The following NOL4 variants were observed in gnomAD, a reference collection of about 807,000 sequenced individuals.
NOL4 encodes the protein cancer/testis antigen 125.
A neutral mutation model predicts 75.9 loss-of-function variants in NOL4; 17 were observed. The ratio of observed to expected loss-of-function variants is 0.22; its 90% CI spans 0.15 to 0.34. NOL4 has a LOEUF of 0.34. NOL4 is among the 10% of genes least tolerant of loss of function. The pLI is 1.00. For missense variants in NOL4, 614 were observed against 793.5 expected (o/e 0.77, Z 2.72); for synonymous variants, 292 against 289.9 (o/e 1.01, Z -0.07).
chr18:33,967,748 C>G (rs2070721233), intron 6 of NOL4, among the ~76,000 whole-genome samples: 1 of 152,082 alleles, frequency 6.6e-6, no homozygotes, highest in Non-Finnish European at 1.5e-5. Flanking sequence ...AAATCAAAAC[C>G]ACAATAAGAT....
intron 1 of NOL4, among the ~76,000 whole-genome samples, chr18:34,203,523 T>C (rs1402831733): frequency 3.3e-5 from 5 of 151,582 alleles, no homozygotes; most frequent in Non-Finnish European, 5.9e-5. Flanking sequence ...GTGATAATAT[T>C]ATATTATAGC....
chr18:33,922,241 G>T (rs986338462), intron 9 of NOL4, among the ~76,000 whole-genome samples: 3 of 152,044 alleles, frequency 2.0e-5, no homozygotes, highest in African/African-American at 7.2e-5. Context: ...CACCATTTTT[G>T]ACTAAATTTT....
chr18:33,940,550 G>T (rs973728814), intron 9 of NOL4, among the ~76,000 whole-genome samples: 2 of 151,950 alleles, frequency 1.3e-5, no homozygotes, highest in South Asian at 4.1e-4. Context: ...GCCTGTCGGG[G>T]AGTAGGAGGC....
intron 3 of NOL4, 99 bp downstream of exon 3, chr18:34,104,950 G>A (rs2079200960): frequency 1.4e-6 from 1 of 703,702 alleles, no homozygotes; most frequent in South Asian, 1.8e-5. Flanking sequence ...CTGACTTGTT[G>A]AACTGTTTCA....
At chr18:34,151,108 G>A (rs2081619068) in intron 1 of NOL4, among the ~76,000 whole-genome samples, 1 of 151,804 alleles carries the variant, frequency 6.6e-6, no homozygotes, top group Non-Finnish European at 1.5e-5. Flanking sequence ...CGTTAATTGT[G>A]CATAGGATTG....
At chr18:33,900,422 A>G (rs1476493053) in intron 9 of NOL4, among the ~76,000 whole-genome samples, 3 of 152,148 alleles carry the variant, frequency 2.0e-5, no homozygotes, top group African/African-American at 4.8e-5. Flanking sequence ...TATCCAAACC[A>G]TATCACTTTC....
chr18:34,132,811 C>A (rs2080716836), intron 1 of NOL4, among the ~76,000 whole-genome samples: 1 of 150,150 alleles, frequency 6.7e-6, no homozygotes, highest in East Asian at 1.9e-4. Context: ...GTCTTGAAAG[C>A]ACCAGGAGAT....
chr18:34,137,877 A>G (rs1193000331), intron 1 of NOL4, among the ~76,000 whole-genome samples: 1 of 152,124 alleles, frequency 6.6e-6, no homozygotes, highest in Non-Finnish European at 1.5e-5. Flanking sequence ...GAATATTAAT[A>G]GTAGCATATG....
At position 33,861,147 on chromosome 18, in the gene NOL4, A is replaced by G. The variant is rs2063104195; in HGVS notation, c.1724-8112T>C. 3.3e-5 allele frequency among the ~76,000 whole-genome samples: 5 copies of G among 152,336 alleles called. No homozygotes were observed. The South Asian group carries it at 1.0e-3, about 32-fold the overall frequency. On this transcript the variant is annotated intron_variant, in intron 10 of 10. Coordinates refer to ENST00000261592, the MANE Select transcript of NOL4 (RefSeq NM_003787.5). The stretch of plus-strand genomic sequence containing the variant: ...TTGGTATCAGGATGATGGTGGCCTC[A>G]TAAAATGAGTTAGGGAGGATTCCTT...
At chr18:34,142,290 A>T (rs2081202876) in intron 1 of NOL4, among the ~76,000 whole-genome samples, 1 of 152,236 alleles carries the variant, frequency 6.6e-6, no homozygotes, top group Non-Finnish European at 1.5e-5. Context: ...TCAAGGATCT[A>T]GAACTAGAAA....
chr18:33,963,888 A>G (rs1377823992), intron 6 of NOL4, among the ~76,000 whole-genome samples: 3 of 152,118 alleles, frequency 2.0e-5, no homozygotes, highest in Non-Finnish European at 4.4e-5. Context: ...TCAGATAGCA[A>G]CACCACAGTG....
At chr18:33,882,409 A>G (rs2064347851) in intron 10 of NOL4, among the ~76,000 whole-genome samples, 2 of 152,148 alleles carry the variant, frequency 1.3e-5, no homozygotes, top group African/African-American at 2.4e-5. Flanking sequence ...ATGAACAGAC[A>G]CTTCTCAAAA....
chr18:34,200,001 A>C (rs1346450542), intron 1 of NOL4, among the ~76,000 whole-genome samples: 2 of 151,818 alleles, frequency 1.3e-5, no homozygotes, highest in Non-Finnish European at 2.9e-5. Context: ...CCTTTTATAC[A>C]ATGACTACTT....
At chr18:34,069,915 G>C (rs1416082245) in intron 5 of NOL4, among the ~76,000 whole-genome samples, 1 of 152,228 alleles carries the variant, frequency 6.6e-6, no homozygotes, top group Admixed American at 6.5e-5. Context: ...ACCAACCAGA[G>C]AAAGTCCTAT....
At chr18:33,987,738 T>G (rs1358040216) in intron 6 of NOL4, among the ~76,000 whole-genome samples, 3 of 152,118 alleles carry the variant, frequency 2.0e-5, no homozygotes, top group African/African-American at 7.2e-5. Flanking sequence ...CTCCTGAATC[T>G]AAACACTGTT....
At chr18:34,173,702 C>A (rs1189713827) in intron 1 of NOL4, among the ~76,000 whole-genome samples, 23 of 152,212 alleles carry the variant, frequency 1.5e-4, no homozygotes, top group South Asian at 1.0e-3. Context: ...TGCTGTGGGG[C>A]TCCACATATC....
At chr18:33,868,895 T>C (rs182004345) in intron 10 of NOL4, among the ~76,000 whole-genome samples, 499 of 152,170 alleles carry the variant, frequency 3.3e-3, no homozygotes, top group Non-Finnish European at 5.8e-3. Context: ...GTTAGTATTA[T>C]AAAAATCCAA....
chr18:33,974,348 T>A (rs913748974), intron 6 of NOL4, among the ~76,000 whole-genome samples: 1 of 152,172 alleles, frequency 6.6e-6, no homozygotes, highest in African/African-American at 2.4e-5. Flanking sequence ...TTTGATGTTC[T>A]ATCCAGACTA....
chr18:33,953,103 T>C (rs529504443), intron 8 of NOL4, among the ~76,000 whole-genome samples: 1 of 151,830 alleles, frequency 6.6e-6, no homozygotes, highest in African/African-American at 2.4e-5. Flanking sequence ...GCATTCTAGG[T>C]AGGAAGGGAA....
Sources: gnomAD v4.1 joint callset for allele counts (sites outside exome capture counted in the v4.1 genomes callset) on GRCh38, gnomAD v4.1.1 for gene constraint, MANE v1.5 for transcripts, NCBI Gene and HGNC (gene_info 2026-07-23, HGNC 2026-07-21) for gene names.